CDC42EP4: variants seen among roughly 807,000 people sequenced by gnomAD.
CDC42EP4 encodes CDC42 effector protein (Rho GTPase binding) 4.
In CDC42EP4, 6 loss-of-function variants were observed where a neutral mutation model predicts 5.6. That is an observed-to-expected ratio of 1.07 (90% CI 0.59 to 2.12). The LOEUF (loss-of-function observed/expected upper bound fraction) is 2.12. Among genes scored for constraint, CDC42EP4 ranks in the 30% most tolerant of loss-of-function variants. The pLI is 0.00. For missense variants in CDC42EP4, 490 were observed against 508.6 expected (o/e 0.96, Z 0.35); for synonymous variants, 230 against 224.2 (o/e 1.03, Z -0.23).
chr17:73,298,314 G>C (rs1248690550), intron 1 of CDC42EP4, among the ~76,000 whole-genome samples: 2 of 152,206 alleles, frequency 1.3e-5, no homozygotes, highest in African/African-American at 4.8e-5. Flanking sequence ...GGGGCACAGG[G>C]AGATCGGGAC....
chr17:73,300,090 A>T (rs2062210436), intron 1 of CDC42EP4, among the ~76,000 whole-genome samples: 1 of 152,132 alleles, frequency 6.6e-6, no homozygotes, highest in Non-Finnish European at 1.5e-5. Context: ...CCAGGAAGAA[A>T]AACCAGAACC....
At chr17:73,299,915 A>G (rs1304994825) in intron 1 of CDC42EP4, among the ~76,000 whole-genome samples, 2 of 151,904 alleles carry the variant, frequency 1.3e-5, no homozygotes, top group Admixed American at 6.6e-5. Flanking sequence ...GAACCTCCCA[A>G]TGTTCTGGTG....
intron 1 of CDC42EP4, among the ~76,000 whole-genome samples, chr17:73,297,995 C>T (rs556490031): frequency 9.2e-4 from 87 of 94,976 alleles, no homozygotes; most frequent in African/African-American, 3.1e-3. Flanking sequence ...ACAACAACAG[C>T]GAAAAAAAAA....
rs1013452982 is a variant in CDC42EP4, at chr17:73,302,824, C to T, written c.-113+9069G>A. 3.4e-5 allele frequency among the ~76,000 whole-genome samples: 5 copies of T among 148,182 alleles called. No individual in the cohort carries two copies. In the East Asian group the frequency reaches 6.1e-4, roughly 18 times the overall value. Reference sequence around the variant, plus strand: ...TTGGGAGGCCGAGGCGGGCGGATCACGAGGTCAGGAGTTCGAGACTATCCT... The same window carrying T: ...TTGGGAGGCCGAGGCGGGCGGATCATGAGGTCAGGAGTTCGAGACTATCCT... On this transcript the variant is annotated intron_variant, in intron 1 of 1. Coordinates refer to ENST00000335793, the MANE Select transcript of CDC42EP4 (RefSeq NM_012121.5).
At position 73,285,441 on chromosome 17, in the gene CDC42EP4, T is replaced by A; in HGVS notation, c.1060A>T (p.Ile354Phe). The A allele has an allele frequency of 9.0e-6, 14 of 1,553,158 alleles. No homozygotes were observed. Among genetic ancestry groups the A allele is most frequent in the Non-Finnish European group, 1.2e-5 (14 of 1,145,144 alleles). The part of the protein sequence containing the change: ...SFMDEEEEDE[I>F]RV ...ACCCACTGTCCGCCTCACACACGGA[T>A]TTCATCCTCCTCCTCCTCATCCATG... Residue 354 changes from isoleucine (I) to phenylalanine (F), a missense_variant, in exon 2 of 2, where the codon ATC (isoleucine) becomes TTC (phenylalanine). Physicochemically the swap from Ile to Phe is conservative, Grantham distance 21. Coordinates refer to ENST00000335793, the MANE Select transcript of CDC42EP4 (RefSeq NM_012121.5). This position sits in a 1 kb window ranked among gnomAD's most constrained non-coding sequence, Gnocchi z 6.8.
chr17:73,297,305 A>AC (rs2062193326), intron 1 of CDC42EP4, among the ~76,000 whole-genome samples: 1 of 147,978 alleles, frequency 6.8e-6, no homozygotes. Flanking sequence ...CAAAAAAAAA[A>AC]AAAAACACAC....
intron 1 of CDC42EP4, among the ~76,000 whole-genome samples, chr17:73,296,980 C>CAA (rs35158994): frequency 1.1e-4 from 2 of 18,136 alleles, no homozygotes; most frequent in East Asian, 1.4e-3. Flanking sequence ...GACTCCGTCT[C>CAA]AAAAAAAAAA....
intron 1 of CDC42EP4, among the ~76,000 whole-genome samples, chr17:73,304,169 T>C (rs531896555): frequency 6.6e-6 from 1 of 152,282 alleles, no homozygotes; most frequent in South Asian, 2.1e-4. Flanking sequence ...GGGCCACATG[T>C]CATGGAGAAA....
In CDC42EP4 at chr17:73,285,855, A is replaced by G. The variant is rs758967948; in HGVS notation, c.646T>C (p.Ser216Pro). ...ATGCTGAGGACGTCACCCAGCATGG[A>G]GGGCCCCAGGTCGATGTGGAAGGAC... ...IMSFHIDLGP[S>P]MLGDVLSIMD... The change falls in exon 2 of 2, where the codon TCC becomes CCC. Residue 216 changes from serine (S) to proline (P), a missense_variant. Transcript: ENST00000335793. The surrounding 1 kb of genome is among the most constrained non-coding windows in gnomAD (Gnocchi z 6.8). The G allele has an allele frequency of 6.2e-7, 1 of 1,613,898 alleles. No homozygotes were observed. The highest frequency in any genetic ancestry group is 1.1e-5 in the South Asian group (1 of 91,076).
intron 1 of CDC42EP4, among the ~76,000 whole-genome samples, chr17:73,301,777 G>A (rs886230430): frequency 1.4e-5 from 2 of 146,460 alleles, no homozygotes; most frequent in African/African-American, 2.5e-5. Flanking sequence ...TATCATCTCA[G>A]CTCACTGCAA....
In CDC42EP4 at chr17:73,285,796, C is replaced by G. The variant is rs747916333; in HGVS notation, c.705G>C (p.Gly235=). The change falls in exon 2 of 2, where the codon GGG becomes GGC. Residue 235 remains glycine, a synonymous_variant. Transcript: ENST00000335793. This position sits in a 1 kb window ranked among gnomAD's most constrained non-coding sequence, Gnocchi z 6.8. The part of the protein sequence containing the change: ...MDKEEWDPEE[G]EGGYHGDEGA... ...CCTCATCGCCATGGTAACCACCCTC[C>G]CCCTCCTCGGGGTCCCACTCCTCCT... 5 of 1,603,440 alleles carry G rather than the reference C, an allele frequency of 3.1e-6. No homozygotes were observed. The East Asian group carries it at 1.1e-4, about 36-fold the overall frequency.
In CDC42EP4 at chr17:73,285,940, C is replaced by G. The variant is rs139155811; in HGVS notation, c.561G>C (p.Leu187=). ...PLLDEQAFGD[L]TDLPVVPKAT... Reference sequence around the variant, plus strand: ...CCTTGGGCACGACAGGCAGATCTGTCAGATCCCCAAAGGCCTGCTCATCGA... The same window carrying G: ...CCTTGGGCACGACAGGCAGATCTGTGAGATCCCCAAAGGCCTGCTCATCGA... The change falls in exon 2 of 2, where the codon CTG becomes CTC. Residue 187 remains leucine (L), a synonymous_variant. Transcript: ENST00000335793. This position sits in a 1 kb window ranked among gnomAD's most constrained non-coding sequence, Gnocchi z 6.8. 1 of 1,613,882 alleles carries G rather than the reference C, an allele frequency of 6.2e-7. No homozygotes were observed. The highest frequency in any genetic ancestry group is 8.5e-7 in the Non-Finnish European group (1 of 1,180,032).
intron 1 of CDC42EP4, among the ~76,000 whole-genome samples, chr17:73,297,171 G>A (rs1433177357): frequency 1.7e-4 from 17 of 98,086 alleles, no homozygotes; most frequent in Admixed American, 4.7e-4. Context: ...GCAGGCGCCT[G>A]TAATCCCAGC....
At chr17:73,300,043 C>T (rs2062210270) in intron 1 of CDC42EP4, among the ~76,000 whole-genome samples, 1 of 152,144 alleles carries the variant, frequency 6.6e-6, no homozygotes, top group Non-Finnish European at 1.5e-5. Flanking sequence ...TCTGCTCTGT[C>T]CAAACTCCAT....
At chr17:73,305,305 C>G (rs962595902) in intron 1 of CDC42EP4, among the ~76,000 whole-genome samples, 11 of 152,230 alleles carry the variant, frequency 7.2e-5, no homozygotes, top group African/African-American at 2.7e-4. Context: ...CCCCACTGCC[C>G]CCATACAGGC....
chr17:73,303,318 T>G (rs1048693373), intron 1 of CDC42EP4, among the ~76,000 whole-genome samples: 7 of 148,336 alleles, frequency 4.7e-5, no homozygotes, highest in Non-Finnish European at 7.4e-5. Flanking sequence ...ACTCCAGCCT[T>G]GGCAACAAGA....
At chr17:73,303,751 G>A (rs1340958619) in intron 1 of CDC42EP4, among the ~76,000 whole-genome samples, 2 of 151,648 alleles carry the variant, frequency 1.3e-5, no homozygotes, top group Non-Finnish European at 2.9e-5. Flanking sequence ...TGTGACTAGC[G>A]TCACATTCCT....
At chr17:73,290,790 A>C (rs1481817966) in intron 1 of CDC42EP4, among the ~76,000 whole-genome samples, 3 of 152,190 alleles carry the variant, frequency 2.0e-5, no homozygotes, top group African/African-American at 7.2e-5. Context: ...TTCAACGCCA[A>C]GGCAGGAACC....
intron 1 of CDC42EP4, among the ~76,000 whole-genome samples, chr17:73,291,686 C>T (rs972447506): frequency 2.2e-4 from 34 of 152,020 alleles, no homozygotes; most frequent in African/African-American, 8.0e-4. Context: ...CTGCCTTGGG[C>T]GGGACACCCC....
Sources: allele counts gnomAD v4.1 joint callset (sites outside exome capture counted in the v4.1 genomes callset), GRCh38; gene constraint gnomAD v4.1.1; non-coding constraint Gnocchi (gnomAD v3.1); transcripts MANE v1.5; gene names NCBI Gene and HGNC (gene_info 2026-07-23, HGNC 2026-07-21).